Variants in TRPV2 observed in about 807,000 individuals in gnomAD.
TRPV2 encodes OTRPC2.
TRPV2 carries 58 observed loss-of-function variants against 91.0 expected under a neutral mutation model. The observed-to-expected ratio is 0.64, with a 90% CI of 0.52 to 0.79. TRPV2 has a LOEUF of 0.79. TRPV2 is among the 30% of genes least tolerant of loss of function. TRPV2 has a pLI of 0.00. For synonymous variants in TRPV2, 417 were observed against 414.8 expected (o/e 1.01, Z -0.06); for missense variants, 807 against 969.6 (o/e 0.83, Z 2.23).
chr17:16,428,498 A>T, intron 9 of TRPV2, 111 bp downstream of exon 9: 1 of 1,212,546 alleles, frequency 8.2e-7, no homozygotes, highest in Admixed American at 1.7e-5. Context: ...GGGCCCAGGA[A>T]GTCGGGATCT....
rs770257331 is a variant in TRPV2 at position 16,434,924 on chromosome 17, ACG to A, written c.2151_2152del (p.Leu718AlafsTer5). On this transcript the variant is annotated frameshift_variant, in exon 14 of 15. Coordinates refer to ENST00000338560, the MANE Select transcript of TRPV2 (RefSeq NM_016113.5). LOFTEE classifies it high-confidence loss of function. ...EEVNWASWEQTLPTLCEDPSG... is the reference protein window; with the variant it reads ...EEVNWASWEQXLPTLCEDPSG... ...GGTGAACTGGGCTTCATGGGAGCAGACGCTGCCTACGCTGTGTGAGGACCCGT... is the reference window on the plus strand; with the variant it reads ...GGTGAACTGGGCTTCATGGGAGCAGACTGCCTACGCTGTGTGAGGACCCGT... 1 of 1,612,040 alleles carries A rather than the reference ACG, an allele frequency of 6.2e-7. No individual in the cohort carries two copies. The highest frequency in any genetic ancestry group is 8.5e-7 in the Non-Finnish European group (1 of 1,179,196).
chr17:16,428,037 C>T (rs1183109960), intron 8 of TRPV2, among the ~76,000 whole-genome samples: 1 of 152,128 alleles, frequency 6.6e-6, no homozygotes, highest in African/African-American at 2.4e-5. Flanking sequence ...TATGGGTGCT[C>T]CCTGTGAGGC....
At chr17:16,427,303 T>A in intron 7 of TRPV2, 146 bp from the exon 8 acceptor site, 1 of 665,804 alleles carries the variant, frequency 1.5e-6, no homozygotes, top group Non-Finnish European at 2.5e-6. Context: ...GATCCAGGGG[T>A]CCTTCCCTGG....
chr17:16,417,791 A>G lies in TRPV2; in HGVS notation c.123A>G (p.Ser41=), dbSNP rs2093338322. 1 of 1,614,108 alleles carries G rather than the reference A, an allele frequency of 6.2e-7. No homozygotes were observed. Among genetic ancestry groups the G allele is most frequent in the African/African-American group, 1.3e-5 (1 of 74,942 alleles). ...GGAGCGGGCTGCCTCCCATGGAGTC[A>G]CAGTTCCAGGGCGAGGACCGGAAAT... ...DFGSGLPPME[S]QFQGEDRKFA... The change falls in exon 2 of 15, where the codon TCA becomes TCG. Residue 41 remains serine, a synonymous_variant. Coordinates refer to ENST00000338560, the MANE Select transcript of TRPV2 (RefSeq NM_016113.5).
intron 2 of TRPV2, among the ~76,000 whole-genome samples, chr17:16,418,321 T>C (rs944400784): frequency 3.9e-5 from 6 of 152,170 alleles, no homozygotes; most frequent in Non-Finnish European, 8.8e-5. Flanking sequence ...GGATTGGGGA[T>C]GACAGGCTTC....
intron 10 of TRPV2, among the ~76,000 whole-genome samples, chr17:16,431,291 A>ACATTTT (rs1555883058): frequency 1.5e-4 from 10 of 67,372 alleles, no homozygotes; most frequent in African/African-American, 3.2e-4. Flanking sequence ...ATATATACAT[A>ACATTTT]TTTTTTTTTT....
At chr17:16,428,704 AGAGGTTAAATGTCTTGCCTAAGATG>A (rs1388662951) in intron 9 of TRPV2, 88 bp from the exon 10 acceptor site, 5 of 1,210,968 alleles carry the variant, frequency 4.1e-6, no homozygotes, top group Non-Finnish European at 5.9e-6. Flanking sequence ...TGAGGCCCAC[AGAGGTTAAATGTCTTGCCTAAGATG>A]GAGGTCAGGA....
Position 16,426,739 on chromosome 17 carries a change from C to T in TRPV2, c.1113C>T (p.Val371=), listed in dbSNP as rs775929789. The change falls in exon 7 of 15, where the codon GTC becomes GTT. Residue 371 remains valine, a synonymous_variant. Transcript: ENST00000338560. This position sits in a 1 kb window ranked among gnomAD's most constrained non-coding sequence, Gnocchi z 6.0. ...HCKSPHRHRM[V]VLEPLNKLLQ... is the part of the protein sequence containing the mutation. Reference sequence around the variant, plus strand: ...CACCCCAGCACCGACACCGAATGGTCGTTTTGGAGCCCCTGAACAAACTGC... The same window carrying T: ...CACCCCAGCACCGACACCGAATGGTTGTTTTGGAGCCCCTGAACAAACTGC... 6.2e-7 allele frequency: 1 copy of T among 1,613,778 alleles called. No individual in the cohort carries two copies. Among genetic ancestry groups the T allele is most frequent in the Non-Finnish European group, 8.5e-7 (1 of 1,179,864 alleles).
rs747616843 is a variant in TRPV2, at chr17:16,417,619, TC to T, written c.-48del. On this transcript the variant is annotated 5_prime_UTR_variant, in exon 2 of 15. Coordinates refer to ENST00000338560, the MANE Select transcript of TRPV2 (RefSeq NM_016113.5). ...GGAGGAAGACAGGACCCTTGACATCTCCATCTGCACAGAGGTCCTGGCTGGA... is the reference window on the plus strand; with the variant it reads ...GGAGGAAGACAGGACCCTTGACATCTCATCTGCACAGAGGTCCTGGCTGGA... 2 of 1,591,810 alleles carry T rather than the reference TC, an allele frequency of 1.3e-6. No individual in the cohort carries two copies. Among genetic ancestry groups the T allele is most frequent in the Admixed American group, 3.4e-5 (2 of 59,560 alleles).
At chr17:16,418,612 G>A (rs1371171233) in intron 2 of TRPV2, among the ~76,000 whole-genome samples, 1 of 152,058 alleles carries the variant, frequency 6.6e-6, no homozygotes, top group Non-Finnish European at 1.5e-5. Context: ...GGAGGACAGT[G>A]GTCAGATTCA....
chr17:16,422,614 A>C lies in TRPV2; in HGVS notation c.350A>C (p.Lys117Thr), dbSNP rs1174122101. The C allele has an allele frequency of 6.2e-7, 1 of 1,613,918 alleles. No homozygotes were observed. Among genetic ancestry groups the C allele is most frequent in the African/African-American group, 1.3e-5 (1 of 75,040 alleles). Residue 117 changes from lysine to threonine, a missense_variant, in exon 4 of 15, where the codon AAG becomes ACG. Coordinates refer to ENST00000338560, the MANE Select transcript of TRPV2 (RefSeq NM_016113.5). ...DSEYTEGSTGKTCLMKAVLNL... is the reference protein window; with the variant it reads ...DSEYTEGSTGTTCLMKAVLNL... ...CTTCCCACAGAGGGCTCCACAGGTA[A>C]GACGTGCCTGATGAAGGCTGTGCTG...
intron 10 of TRPV2, among the ~76,000 whole-genome samples, chr17:16,431,291 A>ATTTTT (rs1167449708): frequency 4.5e-5 from 3 of 67,388 alleles, no homozygotes; most frequent in African/African-American, 1.3e-4. Flanking sequence ...ATATATACAT[A>ATTTTT]TTTTTTTTTT....
chr17:16,428,657 T>C, intron 9 of TRPV2, 160 bp from the exon 10 acceptor site: 1 of 789,640 alleles, frequency 1.3e-6, no homozygotes, highest in East Asian at 2.6e-5. Context: ...GAGTCAGGCA[T>C]CATTATTATT....
rs2093389204 is a variant in TRPV2 at position 16,427,519 on chromosome 17, T to A, written c.1322T>A (p.Leu441Gln). The change falls in exon 8 of 15, where the codon CTA becomes CAA. Residue 441 changes from leucine to glutamine, a missense_variant. Transcript: ENST00000338560. ...CTGACGGGCCACATCCTTATCCTGCTAGGGGGGATCTACCTCCTCGTGGGC... is the reference window on the plus strand; with the variant it reads ...CTGACGGGCCACATCCTTATCCTGCAAGGGGGGATCTACCTCCTCGTGGGC... ...MLLTGHILILLGGIYLLVGQL... is the reference protein window; with the variant it reads ...MLLTGHILILQGGIYLLVGQL... 2 of 1,613,344 alleles carry A rather than the reference T, an allele frequency of 1.2e-6. No homozygotes were observed. The highest frequency in any genetic ancestry group is 8.5e-7 in the Non-Finnish European group (1 of 1,179,578).
Position 16,422,655 on chromosome 17 carries a change from G to T in TRPV2, c.391G>T (p.Val131Phe), listed in dbSNP as rs745514853. The T allele has an allele frequency of 5.6e-6, 9 of 1,613,968 alleles. No individual in the cohort carries two copies. In the Admixed American group the frequency reaches 6.7e-5, roughly 12 times the overall value. Reference sequence around the variant, plus strand: ...GGCTGTGCTGAACCTTAAGGACGGAGTCAATGCCTGCATTCTGCCACTGCT... The same window carrying T: ...GGCTGTGCTGAACCTTAAGGACGGATTCAATGCCTGCATTCTGCCACTGCT... ...MKAVLNLKDGVNACILPLLQI... is the reference protein window; with the variant it reads ...MKAVLNLKDGFNACILPLLQI... The change falls in exon 4 of 15, where the codon GTC becomes TTC. Residue 131 changes from valine to phenylalanine, a missense_variant. Val to Phe is a conservative substitution (Grantham distance 50, BLOSUM62 -1). Transcript: ENST00000338560.
Position 16,434,925 on chromosome 17 carries a change from C to T in TRPV2, c.2150C>T (p.Thr717Met), listed in dbSNP as rs750194195. 1.2e-5 allele frequency: 20 copies of T among 1,611,804 alleles called. No individual in the cohort carries two copies. The African/African-American group carries it at 1.5e-4, about 12-fold the overall frequency. Reference sequence around the variant, plus strand: ...GTGAACTGGGCTTCATGGGAGCAGACGCTGCCTACGCTGTGTGAGGACCCG... The same window carrying T: ...GTGAACTGGGCTTCATGGGAGCAGATGCTGCCTACGCTGTGTGAGGACCCG... ...EEVNWASWEQ[T>M]LPTLCEDPSG... The change falls in exon 14 of 15, where the codon ACG becomes ATG. Residue 717 changes from threonine to methionine, a missense_variant. Physicochemically the swap from Thr to Met is moderately conservative, Grantham distance 81 (BLOSUM62 -1). Transcript: ENST00000338560.
chr17:16,424,548 G>A (rs1237075178), intron 5 of TRPV2, among the ~76,000 whole-genome samples: 2 of 151,990 alleles, frequency 1.3e-5, no homozygotes, highest in African/African-American at 2.4e-5. Flanking sequence ...TGCCCACCTC[G>A]GCCTCCCAAA....
At chr17:16,422,027 G>A (rs969027691) in intron 3 of TRPV2, among the ~76,000 whole-genome samples, 6 of 151,678 alleles carry the variant, frequency 4.0e-5, no homozygotes, top group Non-Finnish European at 7.4e-5. Context: ...TTTCTAAGCC[G>A]GGCGCAGTGG....
intron 5 of TRPV2, among the ~76,000 whole-genome samples, chr17:16,424,551 C>T (rs2093374069): frequency 6.6e-6 from 1 of 152,196 alleles, no homozygotes; most frequent in African/African-American, 2.4e-5. Flanking sequence ...CCACCTCGGC[C>T]TCCCAAAGTG....
Sources: gnomAD v4.1 joint callset for allele counts (sites outside exome capture counted in the v4.1 genomes callset) on GRCh38, gnomAD v4.1.1 for gene constraint, Gnocchi (gnomAD v3.1) non-coding constraint, MANE v1.5 for transcripts, NCBI Gene and HGNC (gene_info 2026-07-23, HGNC 2026-07-21) for gene names.